Variants in CDC42EP5 observed in about 807,000 individuals in gnomAD.
CDC42EP5 encodes CDC42 effector protein (Rho GTPase binding) 5.
For missense variants in CDC42EP5, 269 were observed against 238.0 expected (o/e 1.13, Z -0.86); for synonymous variants, 118 against 123.3 (o/e 0.96, Z 0.28).
chr19:54,466,861 TGCATATTTGG>T (rs2084761381), intron 2 of CDC42EP5, among the ~76,000 whole-genome samples: 1 of 151,856 alleles, frequency 6.6e-6, no homozygotes, highest in Non-Finnish European at 1.5e-5. Context: ...CTTAAACATC[TGCATATTTGG>T]GTATCCATAG....
intron 2 of CDC42EP5, among the ~76,000 whole-genome samples, chr19:54,471,199 G>A (rs966110563): frequency 2.0e-5 from 3 of 152,052 alleles, no homozygotes; most frequent in African/African-American, 7.2e-5. Context: ...GGGGAGGCCC[G>A]GGCCGCGCGT....
At chr19:54,468,139 T>C (rs1397907472) in intron 2 of CDC42EP5, among the ~76,000 whole-genome samples, 1 of 152,158 alleles carries the variant, frequency 6.6e-6, no homozygotes, top group Non-Finnish European at 1.5e-5. Flanking sequence ...AACCAATGGG[T>C]AATGCTAGCG....
chr19:54,469,919 GCCA>G (rs201875256), intron 2 of CDC42EP5, among the ~76,000 whole-genome samples: 3,505 of 152,190 alleles, frequency 0.023, 134 homozygotes, highest in African/African-American at 0.08. Flanking sequence ...CCTATCCGTT[GCCA>G]CCACTTTTCA....
chr19:54,467,131 G>A (rs571510858), intron 2 of CDC42EP5, among the ~76,000 whole-genome samples: 7 of 150,364 alleles, frequency 4.7e-5, no homozygotes, highest in African/African-American at 1.7e-4. Context: ...ACAATATGAT[G>A]TCTTATGTTT....
chr19:54,472,611 A>G (rs1600058728), intron 1 of CDC42EP5, among the ~76,000 whole-genome samples: 1 of 6,104 alleles, frequency 1.6e-4, no homozygotes. Flanking sequence ...CAGACCCAGG[A>G]GTCCAGACCC....
chr19:54,468,197 G>T (rs2123291383), intron 2 of CDC42EP5, among the ~76,000 whole-genome samples: 1 of 152,308 alleles, frequency 6.6e-6, no homozygotes, highest in African/African-American at 2.4e-5. Context: ...CAAAAATTAG[G>T]TTGGATAGAA....
chr19:54,465,362 CGCCCGGGGCTCGGGGG>C lies in CDC42EP5; in HGVS notation c.170_185del (p.Pro57ArgfsTer81), dbSNP rs1327642780. ...GGGAGCGCGGGGCCCCCGCGGGGGG[CGCCCGGGGCTCGGGGG>C]GCGGCCCGCCGCCGTGGCGGCTCAG... On this transcript the variant is annotated frameshift_variant, in exon 3 of 3. Coordinates refer to ENST00000301200, the MANE Select transcript of CDC42EP5 (RefSeq NM_145057.4). LOFTEE classifies it low-confidence loss of function (END_TRUNC). 2 of 1,155,574 alleles carry C rather than the reference CGCCCGGGGCTCGGGGG, an allele frequency of 1.7e-6. No homozygotes were observed. The highest frequency in any genetic ancestry group is 2.1e-6 in the Non-Finnish European group (2 of 939,016). The allele number at this position is 1,155,574 out of a possible 1,614,324, so 71.6% of individuals were successfully genotyped here.
chr19:54,471,173 C>A (rs2084830158), intron 2 of CDC42EP5, among the ~76,000 whole-genome samples: 1 of 152,204 alleles, frequency 6.6e-6, no homozygotes, highest in African/African-American at 2.4e-5. Flanking sequence ...GAAAGCGGGG[C>A]GCGACCGTGG....
chr19:54,468,927 C>CTTTCTTTCTTTCTT (rs2084796272), intron 2 of CDC42EP5, among the ~76,000 whole-genome samples: 7 of 145,870 alleles, frequency 4.8e-5, no homozygotes, highest in Admixed American at 2.0e-4. Flanking sequence ...TTCCTTCTTT[C>CTTTCTTTCTTTCTT]TTTCTTTTCT....
chr19:54,472,731 C>T (rs1444048453), intron 1 of CDC42EP5, among the ~76,000 whole-genome samples: 1 of 100,176 alleles, frequency 1.0e-5, no homozygotes, highest in Non-Finnish European at 2.1e-5. Context: ...GAATCCAGGC[C>T]CCATCCCCTC....
At chr19:54,465,634 C>T (rs2084746629) in intron 2 of CDC42EP5, 87 bp from the exon 3 acceptor site, 1 of 1,309,750 alleles carries the variant, frequency 7.6e-7, no homozygotes. Flanking sequence ...GGACGGTTCC[C>T]GTTTTTTGTT....
rs71959392 is a variant in CDC42EP5 at position 54,468,346 on chromosome 19, TACACACAC to T, written c.1-2807_1-2800del. On this transcript the variant is annotated intron_variant, in intron 2 of 2. Coordinates refer to ENST00000301200, the MANE Select transcript of CDC42EP5 (RefSeq NM_145057.4). ...GATGGCTAGATTCTGAAGACTGGCC[TACACACAC>T]ACACACACACACACACACACACACT... Among the ~76,000 whole-genome samples, 147 of 148,560 alleles carry T rather than the reference TACACACAC, an allele frequency of 9.9e-4. 2 individuals carry two copies. Among genetic ancestry groups the T allele is most frequent in the South Asian group, 4.5e-3 (21 of 4,678 alleles).
At chr19:54,466,561 G>A (rs559603902) in intron 2 of CDC42EP5, among the ~76,000 whole-genome samples, 9 of 152,320 alleles carry the variant, frequency 5.9e-5, no homozygotes, top group South Asian at 2.1e-4. Context: ...AGCCCACCAC[G>A]CACACGAGGA....
At chr19:54,471,808 C>A in intron 1 of CDC42EP5, 123 bp from the exon 2 acceptor site, 1 of 168,066 alleles carries the variant, frequency 6.0e-6, no homozygotes. Context: ...CTTTCTTAAT[C>A]CCACCCCAGA....
intron 2 of CDC42EP5, among the ~76,000 whole-genome samples, chr19:54,465,846 GC>G (rs1157287746): frequency 3.3e-5 from 5 of 152,008 alleles, no homozygotes; most frequent in African/African-American, 9.7e-5. Flanking sequence ...TGTTGGCCAG[GC>G]TGGTCTTGAA....
In CDC42EP5 at chr19:54,465,074, C is replaced by A; in HGVS notation, c.*27G>T. 7.7e-7 allele frequency: 1 copy of A among 1,304,108 alleles called. No individual in the cohort carries two copies. Among genetic ancestry groups the A allele is most frequent in the Non-Finnish European group, 9.8e-7 (1 of 1,024,694 alleles). The allele number at this position is 1,304,108 out of a possible 1,614,324, so 80.8% of individuals were successfully genotyped here. On this transcript the variant is annotated 3_prime_UTR_variant, in exon 3 of 3. Transcript: ENST00000301200. ...ATGTATACAGAAGTGGGGTGCCGGG[C>A]GGGAAGGGCGCGGGGAATGAGGGAA...
intron 2 of CDC42EP5, among the ~76,000 whole-genome samples, chr19:54,468,717 A>AT (rs34177319): frequency 0.016 from 2,169 of 138,050 alleles, 22 homozygotes; most frequent in Middle Eastern, 0.04. Flanking sequence ...TTATTTTTGT[A>AT]TTTTTTTTTT....
Position 54,469,414 on chromosome 19 carries a change from A to G in CDC42EP5, c.-1+2131T>C, listed in dbSNP as rs1443231452. ...TCCTCTCTAGCTGCTAACAGAGCCT[A>G]TGATCTCAGCACTTGCTCTGCTGTG... On this transcript the variant is annotated intron_variant, in intron 2 of 2. Transcript: ENST00000301200. Among the ~76,000 whole-genome samples, 3 of 152,296 alleles carry G rather than the reference A, an allele frequency of 2.0e-5. No individual in the cohort carries two copies. In the East Asian group the frequency reaches 5.8e-4, roughly 29 times the overall value.
chr19:54,467,552 A>G (rs923611264), intron 2 of CDC42EP5, among the ~76,000 whole-genome samples: 1 of 148,366 alleles, frequency 6.7e-6, no homozygotes, highest in African/African-American at 2.5e-5. Flanking sequence ...TTTATTGCCC[A>G]TAGCTGCACC....
Sources: gnomAD v4.1 joint callset for allele counts (sites outside exome capture counted in the v4.1 genomes callset) on GRCh38, gnomAD v4.1.1 for gene constraint, MANE v1.5 for transcripts, NCBI Gene and HGNC (gene_info 2026-07-23, HGNC 2026-07-21) for gene names.